Variants in GRB2 observed in about 807,000 individuals in gnomAD.
The protein encoded by GRB2 is growth factor receptor bound protein 2.
Under a neutral mutation model 27.4 loss-of-function variants are expected in GRB2, and 2 were observed. The observed-to-expected ratio is 0.07, with a 90% CI of 0.03 to 0.23. The LOEUF (loss-of-function observed/expected upper bound fraction) is 0.23, where lower values mean the gene tolerates loss of function less well. GRB2 is among the 10% of genes least tolerant of loss of function. The pLI is 1.00. For missense variants in GRB2, 102 were observed against 282.4 expected, an observed-to-expected ratio of 0.36 and a Z score of 4.58; for synonymous variants, 94 against 99.6, an observed-to-expected ratio of 0.94 and a Z score of 0.33.
intron 3 of GRB2, chr17:75,326,468 G>A (rs893914602): frequency 6.1e-6 from 1 of 164,760 alleles, no homozygotes; most frequent in African/African-American, 2.4e-5. Context: ...GGAAAGTGGG[G>A]AGGAAACCTG....
chr17:75,357,569 T>C (rs2078741312), intron 2 of GRB2, among the ~76,000 whole-genome samples: 1 of 152,230 alleles, frequency 6.6e-6, no homozygotes, highest in Admixed American at 6.5e-5. Context: ...AATCCTTCAA[T>C]GGCCCAAATA....
In GRB2 at chr17:75,320,173, G is replaced by C. The variant is rs1201458853; in HGVS notation, c.*195C>G. The C allele has an allele frequency of 1.9e-5, 10 of 533,436 alleles. No individual in the cohort carries two copies. Among genetic ancestry groups the C allele is most frequent in the Admixed American group, 3.2e-5 (1 of 31,552 alleles). The allele number at this position is 533,436 out of a possible 1,614,324, so 33.0% of individuals were successfully genotyped here. A position where few individuals can be genotyped will look rare whatever the true frequency, so the allele number is the denominator to read the frequency against. On this transcript the variant is annotated 3_prime_UTR_variant, in exon 6 of 6. Transcript: ENST00000316804. This position sits in a 1 kb window ranked among gnomAD's most constrained non-coding sequence, Gnocchi z 4.3. The stretch of plus-strand genomic sequence containing the variant: ...AATAAAAACTCTTCTTAATTTATAG[G>C]TAAGTTTTGGCATTTTTAAATCCAA...
chr17:75,328,676 C>T (rs1437000541), intron 3 of GRB2, among the ~76,000 whole-genome samples: 6 of 145,554 alleles, frequency 4.1e-5, no homozygotes, highest in Middle Eastern at 4.6e-3. Flanking sequence ...TGGTGGCTCA[C>T]GCCTGTAATC....
intron 1 of GRB2, among the ~76,000 whole-genome samples, chr17:75,401,882 T>C (rs1384569908): frequency 1.3e-5 from 2 of 152,258 alleles, no homozygotes; most frequent in South Asian, 2.1e-4. Context: ...TATTATAATG[T>C]AGTATAAGCC....
At chr17:75,340,995 T>A (rs1430548322) in intron 2 of GRB2, among the ~76,000 whole-genome samples, 2 of 152,076 alleles carry the variant, frequency 1.3e-5, no homozygotes, top group Non-Finnish European at 2.9e-5. Flanking sequence ...CAGATCAGTC[T>A]CCATTTGGAA....
At chr17:75,389,801 C>T (rs865800329) in intron 2 of GRB2, among the ~76,000 whole-genome samples, 7 of 152,026 alleles carry the variant, frequency 4.6e-5, no homozygotes, top group Admixed American at 2.0e-4. Flanking sequence ...GCCGAGATCG[C>T]GCCACTGCAC....
At chr17:75,343,999 G>A (rs1598227703) in intron 2 of GRB2, among the ~76,000 whole-genome samples, 1 of 152,194 alleles carries the variant, frequency 6.6e-6, no homozygotes, top group Non-Finnish European at 1.5e-5. Context: ...CCTTCCCAAG[G>A]AGCTTAGGGG....
intron 2 of GRB2, among the ~76,000 whole-genome samples, chr17:75,374,643 C>T (rs1182935893): frequency 2.0e-5 from 3 of 151,600 alleles, no homozygotes; most frequent in Admixed American, 1.3e-4. Flanking sequence ...ACACTCTAGC[C>T]GAGTGTGGTG....
chr17:75,350,421 G>A (rs1186445388), intron 2 of GRB2, among the ~76,000 whole-genome samples: 1 of 152,220 alleles, frequency 6.6e-6, no homozygotes, highest in Non-Finnish European at 1.5e-5. Context: ...TGCTCTGTAT[G>A]AAAGCACATC....
chr17:75,382,769 C>T (rs992137910), intron 2 of GRB2, among the ~76,000 whole-genome samples: 1 of 152,064 alleles, frequency 6.6e-6, no homozygotes, highest in African/African-American at 2.4e-5. Context: ...AGTGCGGTGG[C>T]ACTATCTGGG....
At chr17:75,346,196 G>GAA (rs2078653886) in intron 2 of GRB2, among the ~76,000 whole-genome samples, 2 of 133,884 alleles carry the variant, frequency 1.5e-5, no homozygotes, top group Non-Finnish European at 3.2e-5. Flanking sequence ...AACTGCTTTA[G>GAA]AAAAACTGCT....
At chr17:75,370,929 T>C (rs1477821609) in intron 2 of GRB2, 1 of 152,234 alleles carries the variant, frequency 6.6e-6, no homozygotes, top group Non-Finnish European at 1.5e-5. Flanking sequence ...TACTAAAATA[T>C]AATGCCACCA....
chr17:75,337,026 T>A (rs8077014), intron 2 of GRB2, among the ~76,000 whole-genome samples: 1 of 152,240 alleles, frequency 6.6e-6, no homozygotes, highest in Non-Finnish European at 1.5e-5. Context: ...GCGTGAGCCA[T>A]CATGCTGGCC....
At chr17:75,339,011 C>T (rs1204412391) in intron 2 of GRB2, 35 of 1,259,828 alleles carry the variant, frequency 2.8e-5, no homozygotes, top group Non-Finnish European at 4.0e-5. Flanking sequence ...AAGGCTGAAA[C>T]CACAAAGAAG....
At chr17:75,329,804 A>G (rs780234269) in intron 3 of GRB2, among the ~76,000 whole-genome samples, 17 of 152,172 alleles carry the variant, frequency 1.1e-4, no homozygotes, top group Non-Finnish European at 2.4e-4. Flanking sequence ...AGGTGGGAGG[A>G]TAACTTGAGC....
At chr17:75,374,084 C>A (rs892700660) in intron 2 of GRB2, among the ~76,000 whole-genome samples, 1 of 151,514 alleles carries the variant, frequency 6.6e-6, no homozygotes, top group African/African-American at 2.4e-5. Flanking sequence ...AGTGAGCCAC[C>A]GTGCCCTGCC....
chr17:75,376,571 G>A (rs1486750293), intron 2 of GRB2, among the ~76,000 whole-genome samples: 1 of 150,346 alleles, frequency 6.7e-6, no homozygotes, highest in East Asian at 1.9e-4. Context: ...TGATTGTCTT[G>A]CACATAGACA....
chr17:75,369,145 T>C (rs2078839416), intron 2 of GRB2, among the ~76,000 whole-genome samples: 1 of 152,290 alleles, frequency 6.6e-6, no homozygotes, highest in Admixed American at 6.5e-5. Flanking sequence ...GCCTCTCCCC[T>C]ACTTCAATCC....
At chr17:75,349,158 TGA>T (rs2078673033) in intron 2 of GRB2, among the ~76,000 whole-genome samples, 1 of 152,332 alleles carries the variant, frequency 6.6e-6, no homozygotes, top group African/African-American at 2.4e-5. Context: ...GTATTTTCAT[TGA>T]GTTTAAATAA....
Sources: gnomAD v4.1 joint callset for allele counts (sites outside exome capture counted in the v4.1 genomes callset) on GRCh38, gnomAD v4.1.1 for gene constraint, Gnocchi (gnomAD v3.1) non-coding constraint, MANE v1.5 for transcripts, NCBI Gene and HGNC (gene_info 2026-07-23, HGNC 2026-07-21) for gene names.